Variants in STK33 observed in about 807,000 individuals in gnomAD.
The protein encoded by STK33 is serine/threonine-protein kinase 33.
STK33 carries 52 observed loss-of-function variants against 58.0 expected under a neutral mutation model. The observed-to-expected ratio is 0.90, with a 90% CI of 0.72 to 1.13. The LOEUF (loss-of-function observed/expected upper bound fraction) is 1.13. Among genes scored for constraint, STK33 ranks in the 50% most tolerant of loss-of-function variants. The pLI, the probability that STK33 is intolerant of heterozygous loss-of-function variation, is 0.00. For synonymous variants in STK33, 215 were observed against 200.1 expected, an observed-to-expected ratio of 1.07 and a Z score of -0.63; for missense variants, 630 against 604.2, an observed-to-expected ratio of 1.04 and a Z score of -0.45.
the STK33 span, among the ~76,000 whole-genome samples, chr11:8,376,009 T>C: frequency 0.035 from 5,349 of 152,294 alleles, 179 homozygotes; most frequent in Middle Eastern, 0.085. Flanking sequence ...CTCCAGGCAC[T>C]CAGGCTACTT....
At chr11:8,585,461 G>A (rs1320569015) in intron 1 of STK33, among the ~76,000 whole-genome samples, 1 of 151,440 alleles carries the variant, frequency 6.6e-6, no homozygotes, top group African/African-American at 2.4e-5. Context: ...CTGACTTCAG[G>A]TGATCCACCC....
downstream of STK33, among the ~76,000 whole-genome samples, chr11:8,391,516 G>A (rs536940153): frequency 6.6e-6 from 1 of 152,314 alleles, no homozygotes; most frequent in African/African-American, 2.4e-5. Context: ...ATGCTCAGCT[G>A]GCCAGATGTG....
intron 1 of STK33, among the ~76,000 whole-genome samples, chr11:8,523,948 A>C (rs1238150441): frequency 1.3e-5 from 2 of 152,228 alleles, no homozygotes; most frequent in African/African-American, 2.4e-5. Flanking sequence ...CAGACATGGG[A>C]GACTCCATCT....
At chr11:8,554,485 C>A (rs1956590265) in intron 1 of STK33, among the ~76,000 whole-genome samples, 1 of 151,374 alleles carries the variant, frequency 6.6e-6, no homozygotes, top group African/African-American at 2.4e-5. Flanking sequence ...TACAAACAGC[C>A]AGCTAGTTCA....
At chr11:8,413,441 G>T (rs1242828383) in intron 15 of STK33, 54 bp downstream of exon 15, 8 of 1,582,846 alleles carry the variant, frequency 5.1e-6, no homozygotes, top group Non-Finnish European at 6.9e-6. Flanking sequence ...AAATGTTCCA[G>T]GTGTGGTGAG....
chr11:8,508,885 G>A (rs550776223), intron 1 of STK33, among the ~76,000 whole-genome samples: 38 of 152,248 alleles, frequency 2.5e-4, no homozygotes, highest in African/African-American at 8.2e-4. Context: ...GGGAGGCCGA[G>A]GTGAGCAGAT....
intron 15 of STK33, among the ~76,000 whole-genome samples, chr11:8,396,252 C>T (rs1215982829): frequency 6.6e-6 from 1 of 152,172 alleles, no homozygotes; most frequent in Admixed American, 6.5e-5. Flanking sequence ...TGCAGGTACA[C>T]ACCACCACAC....
intron 11 of STK33, among the ~76,000 whole-genome samples, chr11:8,446,746 G>A (rs1945523835): frequency 6.6e-6 from 1 of 152,120 alleles, no homozygotes; most frequent in South Asian, 2.1e-4. Context: ...AAACGATGTT[G>A]GGAAAACTGG....
intron 14 of STK33, among the ~76,000 whole-genome samples, chr11:8,435,288 T>C (rs933531667): frequency 1.3e-5 from 2 of 152,150 alleles, no homozygotes; most frequent in African/African-American, 2.4e-5. Flanking sequence ...TAAACCTCTA[T>C]AAATATATAT....
At chr11:8,447,724 C>G (rs372347333) in intron 11 of STK33, among the ~76,000 whole-genome samples, 2 of 152,256 alleles carry the variant, frequency 1.3e-5, no homozygotes, top group South Asian at 4.1e-4. Flanking sequence ...TGAAAAATGG[C>G]ACAAGACAAG....
intron 1 of STK33, among the ~76,000 whole-genome samples, chr11:8,482,711 ATTTTTAT>A (rs1378400520): frequency 3.3e-5 from 5 of 151,730 alleles, no homozygotes; most frequent in Non-Finnish European, 7.4e-5. Flanking sequence ...TATCTTTTTT[ATTTTTAT>A]TTTTTATTTA....
intron 1 of STK33, among the ~76,000 whole-genome samples, chr11:8,561,597 T>G (rs968357170): frequency 3.9e-5 from 6 of 152,190 alleles, no homozygotes; most frequent in Admixed American, 1.3e-4. Context: ...GGTGGTCTTT[T>G]CCCCATGATA....
downstream of STK33, among the ~76,000 whole-genome samples, chr11:8,387,482 T>C (rs1357450093): frequency 6.6e-6 from 1 of 152,200 alleles, no homozygotes; most frequent in African/African-American, 2.4e-5. Context: ...TCTGTAGAGA[T>C]AATAATGGTA....
At chr11:8,430,869 T>A (rs1590994943) in intron 14 of STK33, among the ~76,000 whole-genome samples, 1 of 132,268 alleles carries the variant, frequency 7.6e-6, no homozygotes, top group African/African-American at 2.5e-5. Flanking sequence ...TAACATAATT[T>A]TTTTTTTTTT....
rs542125814 is a variant in STK33, at chr11:8,579,999, C to G, written c.-466+14084G>C. 7.9e-5 allele frequency among the ~76,000 whole-genome samples: 12 copies of G among 152,212 alleles called. No individual in the cohort carries two copies. In the South Asian group the frequency reaches 1.5e-3, roughly 18 times the overall value. On this transcript the variant is annotated intron_variant, in intron 1 of 15. Coordinates refer to ENST00000687296, the MANE Select transcript of STK33 (RefSeq NM_001352389.2). Reference sequence around the variant, plus strand: ...TAGAGGAGATGTGGAGAAAAGGGAACCTTCATACACTGTTTTTGGGATGTA... The same window carrying G: ...TAGAGGAGATGTGGAGAAAAGGGAAGCTTCATACACTGTTTTTGGGATGTA...
chr11:8,436,282 A>C, intron 12 of STK33, 143 bp from the exon 13 acceptor site: 1 of 463,466 alleles, frequency 2.2e-6, no homozygotes, highest in Non-Finnish European at 3.8e-6. Flanking sequence ...CCCTGGAAGT[A>C]AAAATGGAAA....
intron 1 of STK33, among the ~76,000 whole-genome samples, chr11:8,493,432 C>A (rs754623462): frequency 2.0e-5 from 3 of 152,056 alleles, no homozygotes; most frequent in Non-Finnish European, 4.4e-5. Context: ...CAATAACAGG[C>A]TCTGAAATTG....
chr11:8,397,506 T>C (rs1849569280), intron 15 of STK33, among the ~76,000 whole-genome samples: 2 of 152,018 alleles, frequency 1.3e-5, no homozygotes, highest in Admixed American at 1.3e-4. Context: ...ACCACAAAGA[T>C]GGGGAAAAAC....
At chr11:8,491,255 T>G (rs1950589162) in intron 1 of STK33, among the ~76,000 whole-genome samples, 2 of 152,316 alleles carry the variant, frequency 1.3e-5, no homozygotes, top group African/African-American at 2.4e-5. Context: ...TTAAATGACC[T>G]GATGGAGCTG....
Sources: allele counts gnomAD v4.1 joint callset (sites outside exome capture counted in the v4.1 genomes callset), GRCh38; gene constraint gnomAD v4.1.1; transcripts MANE v1.5; gene names NCBI Gene and HGNC (gene_info 2026-07-23, HGNC 2026-07-21).